Variants in SLC35A3 observed in about 807,000 individuals in gnomAD.
SLC35A3 encodes the protein UDP-N-acetylglucosamine transporter.
A neutral mutation model predicts 39.0 loss-of-function variants in SLC35A3; 26 were observed. The ratio of observed to expected loss-of-function variants is 0.67; its 90% confidence interval spans 0.49 to 0.92. The LOEUF (loss-of-function observed/expected upper bound fraction) is 0.92. Among genes scored for constraint, SLC35A3 ranks in the 40% least tolerant of loss-of-function variants. SLC35A3 has a pLI of 0.00. For synonymous variants in SLC35A3, 135 were observed against 133.1 expected (o/e 1.01, Z -0.10); for missense variants, 299 against 371.6 (o/e 0.80, Z 1.61).
At chr1:99,971,005 G>A (rs1398811075) in intron 1 of SLC35A3, among the ~76,000 whole-genome samples, 1 of 152,078 alleles carries the variant, frequency 6.6e-6, no homozygotes, top group Non-Finnish European at 1.5e-5. Context: ...CTACCTGTCT[G>A]CTAAATATGC....
At chr1:99,980,749 A>G (rs1657408167) in intron 1 of SLC35A3, among the ~76,000 whole-genome samples, 1 of 152,212 alleles carries the variant, frequency 6.6e-6, no homozygotes, top group Admixed American at 6.5e-5. Flanking sequence ...AGTTGGTTAA[A>G]TGTTATTGAG....
rs1026463485 is a variant in SLC35A3 at position 100,024,403 on chromosome 1, T to G, written c.*1927T>G. 6.6e-6 allele frequency: 1 copy of G among 151,296 alleles called. No individual in the cohort carries two copies. Among genetic ancestry groups the G allele is most frequent in the Non-Finnish European group, 1.5e-5 (1 of 67,818 alleles). The allele number at this position is 151,296 out of a possible 1,614,324, so 9.4% of individuals were successfully genotyped here. A position where few individuals can be genotyped will look rare whatever the true frequency, so the allele number is the denominator to read the frequency against. On this transcript the variant is annotated 3_prime_UTR_variant, in exon 8 of 8. Transcript: ENST00000533028. Reference sequence around the variant, plus strand: ...CCATCTCTACTAATAATACAAAAATTAGCTGGGCATGGTGGTGCGCGCCTG... The same window carrying G: ...CCATCTCTACTAATAATACAAAAATGAGCTGGGCATGGTGGTGCGCGCCTG...
At chr1:100,015,526 G>GTTA in intron 6 of SLC35A3, 106 bp downstream of exon 6, 1 of 1,213,208 alleles carries the variant, frequency 8.2e-7, no homozygotes, top group African/African-American at 1.6e-5. Context: ...GGTCCCTCCT[G>GTTA]TTAGTGCTCT....
At chr1:100,010,715 A>T (rs766162599) in intron 4 of SLC35A3, among the ~76,000 whole-genome samples, 7 of 152,202 alleles carry the variant, frequency 4.6e-5, no homozygotes, top group Non-Finnish European at 8.8e-5. Flanking sequence ...CTAGTAGAAG[A>T]TCAAACTGAG....
chr1:100,022,142 T>A (rs1380889334), intron 7 of SLC35A3, among the ~76,000 whole-genome samples: 2 of 149,192 alleles, frequency 1.3e-5, no homozygotes, highest in African/African-American at 2.6e-5. Flanking sequence ...TAAAACTGTT[T>A]CCTCATGTGT....
At chr1:100,010,639 G>A (rs1659562731) in intron 4 of SLC35A3, among the ~76,000 whole-genome samples, 1 of 152,062 alleles carries the variant, frequency 6.6e-6, no homozygotes, top group African/African-American at 2.4e-5. Context: ...GCAATGAGCT[G>A]TTATCATGCA....
chr1:100,007,387 T>C, intron 4 of SLC35A3: 1 of 333,782 alleles, frequency 3.0e-6, no homozygotes, highest in South Asian at 5.3e-5. Flanking sequence ...GTGAACATTC[T>C]AATTAGGGAA....
At chr1:99,974,215 T>C (rs534735639) in intron 1 of SLC35A3, among the ~76,000 whole-genome samples, 2 of 152,298 alleles carry the variant, frequency 1.3e-5, no homozygotes, top group African/African-American at 4.8e-5. Flanking sequence ...TCTAATAGTA[T>C]TTTCTATCAT....
rs371150024 is a variant in SLC35A3 at position 100,016,543 on chromosome 1, T to G, written c.753+1123T>G. ...CGCCCGCCACCAAGCCCAGCTAATT[T>G]TTTGTATTTTTAGTAGAGACGGGGT... On this transcript the variant is annotated intron_variant, in intron 6 of 7. Coordinates refer to ENST00000533028, the MANE Select transcript of SLC35A3 (RefSeq NM_012243.3). Among the ~76,000 whole-genome samples the G allele has an allele frequency of 7.9e-5, 12 of 151,624 alleles. No homozygotes were observed. In the East Asian group the frequency reaches 1.2e-3, roughly 15 times the overall value.
At chr1:100,017,548 T>C in intron 6 of SLC35A3, 134 bp from the exon 7 acceptor site, 2 of 520,176 alleles carry the variant, frequency 3.8e-6, no homozygotes, top group South Asian at 3.8e-5. Flanking sequence ...TGTTAAGAGA[T>C]GTTTAAAATA....
intron 4 of SLC35A3, among the ~76,000 whole-genome samples, chr1:100,010,224 A>T (rs1213572253): frequency 1.3e-5 from 2 of 152,206 alleles, no homozygotes; most frequent in Non-Finnish European, 2.9e-5. Context: ...AGAACACGGA[A>T]AAGAGCAGGT....
intron 1 of SLC35A3, among the ~76,000 whole-genome samples, chr1:99,987,715 C>T (rs1424691760): frequency 6.6e-6 from 1 of 151,994 alleles, no homozygotes; most frequent in African/African-American, 2.4e-5. Flanking sequence ...ACAACCATAC[C>T]TAAACCATGG....
chr1:99,987,261 A>G (rs1657798249), intron 1 of SLC35A3, among the ~76,000 whole-genome samples: 1 of 152,224 alleles, frequency 6.6e-6, no homozygotes, highest in African/African-American at 2.4e-5. Flanking sequence ...AAAACATATT[A>G]TACCTCTAAA....
intron 1 of SLC35A3, among the ~76,000 whole-genome samples, chr1:99,974,479 G>A (rs558554449): frequency 6.6e-6 from 1 of 152,192 alleles, no homozygotes; most frequent in South Asian, 2.1e-4. Flanking sequence ...CTGATACTTG[G>A]ATGTGCTTTT....
intron 2 of SLC35A3, among the ~76,000 whole-genome samples, chr1:99,996,152 C>T (rs866127721): frequency 1.5e-4 from 23 of 152,016 alleles, no homozygotes; most frequent in Admixed American, 5.2e-4. Flanking sequence ...TATGACCTTA[C>T]TATTGTGAAT....
chr1:99,993,427 T>G (rs1570588041), intron 1 of SLC35A3, 110 bp from the exon 2 acceptor site: 1 of 777,660 alleles, frequency 1.3e-6, no homozygotes. Context: ...TGGTGGCAGG[T>G]GGAGGAGAGA....
At chr1:99,978,389 T>C (rs1169915778) in intron 1 of SLC35A3, among the ~76,000 whole-genome samples, 1 of 152,072 alleles carries the variant, frequency 6.6e-6, no homozygotes, top group East Asian at 1.9e-4. Flanking sequence ...TAGCTAGGTG[T>C]GGTGGCACAT....
chr1:100,017,090 A>G (rs964774024), intron 6 of SLC35A3, among the ~76,000 whole-genome samples: 1 of 152,226 alleles, frequency 6.6e-6, no homozygotes, highest in Non-Finnish European at 1.5e-5. Flanking sequence ...AGAAAGCAAA[A>G]CTGTGTAGTA....
intron 1 of SLC35A3, among the ~76,000 whole-genome samples, chr1:99,990,523 G>A (rs1343679596): frequency 6.6e-6 from 1 of 152,120 alleles, no homozygotes; most frequent in Non-Finnish European, 1.5e-5. Context: ...GCAGTGAGCT[G>A]AGATCATACC....
Sources: gnomAD v4.1 joint callset for allele counts (sites outside exome capture counted in the v4.1 genomes callset) on GRCh38, gnomAD v4.1.1 for gene constraint, MANE v1.5 for transcripts, NCBI Gene and HGNC (gene_info 2026-07-23, HGNC 2026-07-21) for gene names.